The following PPP1R1B variants were observed in gnomAD, a reference collection of about 807,000 sequenced individuals.
PPP1R1B encodes the protein protein phosphatase 1 regulatory inhibitor subunit 1B.
In PPP1R1B, 13 loss-of-function variants were observed where a neutral mutation model predicts 28.2. The ratio of observed to expected loss-of-function variants is 0.46; its 90% CI spans 0.30 to 0.73. The LOEUF is 0.73. Among genes scored for constraint, PPP1R1B ranks in the 30% least tolerant of loss-of-function variants. The pLI, the probability that PPP1R1B is intolerant of heterozygous loss-of-function variation, is 0.07. For synonymous variants in PPP1R1B, 102 were observed against 97.5 expected (o/e 1.05, Z -0.27); for missense variants, 236 against 256.7 (o/e 0.92, Z 0.55).
chr17:39,635,671 T>A lies in PPP1R1B; in HGVS notation c.510T>A (p.Asp170Glu), dbSNP rs1360953726. ...CCTGGGAGCGCCCACCCCCTCTGGA[T>A]GAGTCCGAGAGAGATGGAGGCTCTG... The part of the protein sequence containing the change: ...EGPWERPPPL[D>E]ESERDGGSED... Residue 170 changes from aspartate (D) to glutamate (E), a missense_variant, in exon 6 of 7, where the codon GAT (aspartate) becomes GAA (glutamate). Coordinates refer to ENST00000254079, the MANE Select transcript of PPP1R1B (RefSeq NM_032192.4). The A allele has an allele frequency of 2.5e-6, 4 of 1,614,006 alleles. No individual in the cohort carries two copies. The highest frequency in any genetic ancestry group is 2.2e-5 in the East Asian group (1 of 44,860).
In PPP1R1B at chr17:39,630,030, C is replaced by T. The variant is rs1284755691; in HGVS notation, c.224C>T (p.Thr75Ile). 2.5e-6 allele frequency: 4 copies of T among 1,614,174 alleles called. No individual in the cohort carries two copies. The highest frequency in any genetic ancestry group is 2.2e-5 in the South Asian group (2 of 91,092). The change falls in exon 4 of 7, where the codon ACA becomes ATA. Residue 75 changes from threonine (T) to isoleucine (I), a missense_variant. Coordinates refer to ENST00000254079, the MANE Select transcript of PPP1R1B (RefSeq NM_032192.4). ...AAGAGACCCAACCCCTGTGCCTACA[C>T]ACCACCTTCGCTGAAAGGTACTATA... ...KSKRPNPCAY[T>I]PPSLKAVQRI...
Position 39,627,573 on chromosome 17 carries a change from G to A in PPP1R1B, c.81+100G>A, listed in dbSNP as rs1341674350. 5 of 736,466 alleles carry A rather than the reference G, an allele frequency of 6.8e-6. No individual in the cohort carries two copies. In the African/African-American group the frequency reaches 7.6e-5, roughly 11 times the overall value. The allele number at this position is 736,466 out of a possible 1,614,324, so 45.6% of individuals were successfully genotyped here. A position where few individuals can be genotyped will look rare whatever the true frequency, so the allele number is the denominator to read the frequency against. On this transcript the variant is annotated intron_variant, in intron 1 of 6. Transcript: ENST00000254079. ...GCCCCGGCCGGACTGGCCTGGGGGT[G>A]GGGGCGCAAGGAGAGCCGGGCTCTG... is the stretch of plus-strand genomic sequence containing the variant.
At position 39,630,058 on chromosome 17, in the gene PPP1R1B, C is replaced by G. The variant is rs1453985818; in HGVS notation, c.241+11C>G. ...CACCTTCGCTGAAAGGTACTATACCCCCACCGACCTTCCTGGCTGTCCGCC... is the reference window on the plus strand; with the variant it reads ...CACCTTCGCTGAAAGGTACTATACCGCCACCGACCTTCCTGGCTGTCCGCC... On this transcript the variant is annotated intron_variant, in intron 4 of 6. Transcript: ENST00000254079. 8 of 1,613,406 alleles carry G rather than the reference C, an allele frequency of 5.0e-6. 1 individual carries two copies. In the African/African-American group the frequency reaches 9.3e-5, roughly 19 times the overall value.
At chr17:39,629,148 A>G (rs765536726) in intron 1 of PPP1R1B, 22 bp from the exon 2 acceptor site, 2 of 1,611,204 alleles carry the variant, frequency 1.2e-6, no homozygotes, top group Non-Finnish European at 1.7e-6. Context: ...CCATCCAGTC[A>G]CCCCTCCCTC....
Position 39,627,190 on chromosome 17 carries a change from C to T in PPP1R1B, c.-203C>T. On this transcript the variant is annotated 5_prime_UTR_variant, in exon 1 of 7. Coordinates refer to ENST00000254079, the MANE Select transcript of PPP1R1B (RefSeq NM_032192.4). ...GGGGCGAGCCCCGAGTCCCGAGAGC[C>T]TGGGGGCGCGCCCAGCCCGGGCGCC... is the stretch of plus-strand genomic sequence containing the variant. 2.0e-6 allele frequency: 1 copy of T among 493,930 alleles called. No individual in the cohort carries two copies. Among genetic ancestry groups the T allele is most frequent in the Non-Finnish European group, 3.5e-6 (1 of 282,784 alleles). 30.6% of individuals were successfully genotyped at this position (493,930 alleles called of 1,614,324 possible). A position where few individuals can be genotyped will look rare whatever the true frequency, so the allele number is the denominator to read the frequency against.
At chr17:39,627,908 G>A (rs2056849111) in intron 1 of PPP1R1B, among the ~76,000 whole-genome samples, 1 of 152,146 alleles carries the variant, frequency 6.6e-6, no homozygotes, top group East Asian at 1.9e-4. Context: ...CAGGGCAGGA[G>A]TATGAGGCTG....
In PPP1R1B at chr17:39,633,917, T is replaced by C. The variant is rs544665389; in HGVS notation, c.276T>C (p.Ser92=). 2 of 1,613,744 alleles carry C rather than the reference T, an allele frequency of 1.2e-6. No homozygotes were observed. The highest frequency in any genetic ancestry group is 1.3e-5 in the African/African-American group (1 of 74,918). Reference sequence around the variant, plus strand: ...GCATTGCTGAGTCTCACCTGCAGTCTATCAGCAATTTGAATGAGAACCAGG... The same window carrying C: ...GCATTGCTGAGTCTCACCTGCAGTCCATCAGCAATTTGAATGAGAACCAGG... ...VQRIAESHLQ[S]ISNLNENQAS... Residue 92 remains serine (S), a synonymous_variant, in exon 5 of 7, where the codon TCT becomes TCC. Coordinates refer to ENST00000254079, the MANE Select transcript of PPP1R1B (RefSeq NM_032192.4).
intron 4 of PPP1R1B, among the ~76,000 whole-genome samples, chr17:39,631,089 G>T (rs1297666090): frequency 6.6e-6 from 1 of 151,892 alleles, no homozygotes; most frequent in East Asian, 1.9e-4. Flanking sequence ...AAAAAAGTGA[G>T]CTAAGCATAG....
intron 1 of PPP1R1B, chr17:39,628,696 G>A (rs2056854094): frequency 1.0e-6 from 1 of 989,238 alleles, no homozygotes; most frequent in Non-Finnish European, 1.2e-6. Context: ...AAGCCCTTGA[G>A]CTGATCTTAG....
chr17:39,633,966 G>C lies in PPP1R1B; in HGVS notation c.325G>C (p.Gly109Arg), dbSNP rs1597781212. The C allele has an allele frequency of 1.9e-6, 3 of 1,613,936 alleles. No individual in the cohort carries two copies. The highest frequency in any genetic ancestry group is 2.5e-6 in the Non-Finnish European group (3 of 1,179,912). ...NQASEEEDEL[G>R]ELRELGYPRE... ...GGCCTCAGAGGAGGAGGATGAGCTG[G>C]GGGAGCTTCGGGAGCTGGGTTATCC... Residue 109 changes from glycine (G) to arginine (R), a missense_variant, in exon 5 of 7, where the codon GGG becomes CGG. Coordinates refer to ENST00000254079, the MANE Select transcript of PPP1R1B (RefSeq NM_032192.4).
intron 4 of PPP1R1B, among the ~76,000 whole-genome samples, chr17:39,631,383 G>A (rs1020539922): frequency 6.6e-6 from 1 of 152,242 alleles, no homozygotes; most frequent in Non-Finnish European, 1.5e-5. Flanking sequence ...AGAGATGCGA[G>A]TCAGAGGGGG....
At chr17:39,634,935 C>T (rs535798338) in intron 5 of PPP1R1B, among the ~76,000 whole-genome samples, 12 of 152,322 alleles carry the variant, frequency 7.9e-5, no homozygotes, top group South Asian at 2.1e-4. Context: ...GTGGCTCATG[C>T]CTGTAATTCC....
At chr17:39,627,684 G>C (rs1015637197) in intron 1 of PPP1R1B, among the ~76,000 whole-genome samples, 3 of 151,914 alleles carry the variant, frequency 2.0e-5, no homozygotes, top group Admixed American at 2.0e-4. Flanking sequence ...TCCTGATCCC[G>C]GGGCAAGAGA....
rs558569305 is a variant in PPP1R1B at position 39,628,601 on chromosome 17, G to C, written c.82-569G>C. The C allele has an allele frequency of 6.6e-5, 65 of 986,360 alleles. No individual in the cohort carries two copies. The South Asian group carries it at 2.8e-3, about 42-fold the overall frequency. The allele number at this position is 986,360 out of a possible 1,614,324, so 61.1% of individuals were successfully genotyped here. A position where few individuals can be genotyped will look rare whatever the true frequency, so the allele number is the denominator to read the frequency against. Reference sequence around the variant, plus strand: ...CAGAGAGGTCCCCCAGGCCCCTTTGGGTCCCTGAGCCTCAGCTGGAGGTGG... The same window carrying C: ...CAGAGAGGTCCCCCAGGCCCCTTTGCGTCCCTGAGCCTCAGCTGGAGGTGG... On this transcript the variant is annotated intron_variant, in intron 1 of 6. Coordinates refer to ENST00000254079, the MANE Select transcript of PPP1R1B (RefSeq NM_032192.4).
intron 4 of PPP1R1B, among the ~76,000 whole-genome samples, chr17:39,631,418 C>A (rs988100639): frequency 6.6e-5 from 10 of 152,148 alleles, no homozygotes; most frequent in African/African-American, 2.4e-4. Flanking sequence ...CTGGAGGAGG[C>A]TTCGTTTCTA....
intron 5 of PPP1R1B, among the ~76,000 whole-genome samples, chr17:39,635,179 GA>G (rs1216849732): frequency 6.6e-6 from 1 of 152,072 alleles, no homozygotes; most frequent in African/African-American, 2.4e-5. Context: ...CTGGGCAACA[GA>G]GTGAGACTCC....
Position 39,635,918 on chromosome 17 carries a change from A to G in PPP1R1B, c.*53A>G. On this transcript the variant is annotated 3_prime_UTR_variant, in exon 7 of 7. Coordinates refer to ENST00000254079, the MANE Select transcript of PPP1R1B (RefSeq NM_032192.4). Reference sequence around the variant, plus strand: ...AGTGGAGGGGACATCGCTGTTCCCCAGAAACCCACTCTATCCTCACCCTGT... The same window carrying G: ...AGTGGAGGGGACATCGCTGTTCCCCGGAAACCCACTCTATCCTCACCCTGT... The G allele has an allele frequency of 1.3e-6, 2 of 1,588,082 alleles. No individual in the cohort carries two copies. The highest frequency in any genetic ancestry group is 1.7e-6 in the Non-Finnish European group (2 of 1,162,764).
At chr17:39,630,266 C>G in intron 4 of PPP1R1B, 1 of 546,534 alleles carries the variant, frequency 1.8e-6, no homozygotes, top group Non-Finnish European at 3.3e-6. Context: ...GCCTTAACAT[C>G]GGGTTGTGGG....
intron 4 of PPP1R1B, chr17:39,632,454 C>CT (rs2056885843): frequency 6.6e-6 from 1 of 152,282 alleles, no homozygotes; most frequent in African/African-American, 2.4e-5. Context: ...CTCATGGATC[C>CT]TTCTCTACCA....
Sources: gnomAD v4.1 joint callset for allele counts (sites outside exome capture counted in the v4.1 genomes callset) on GRCh38, gnomAD v4.1.1 for gene constraint, MANE v1.5 for transcripts, NCBI Gene and HGNC (gene_info 2026-07-23, HGNC 2026-07-21) for gene names.